Variants in POU2F1 observed in about 807,000 individuals in gnomAD.
POU2F1 encodes the protein POU class 2 homeobox 1.
In POU2F1, 16 loss-of-function variants were observed where a neutral mutation model predicts 84.9. The observed-to-expected ratio is 0.19, with a 90% CI of 0.13 to 0.29. POU2F1 has a LOEUF of 0.29. POU2F1 is among the 10% of genes least tolerant of loss of function. The probability of loss-of-function intolerance (pLI) is 1.00; values close to 1 mark genes in which losing one functional copy is unlikely to be tolerated. For synonymous variants in POU2F1, 368 were observed against 368.3 expected, an observed-to-expected ratio of 1.00 and a Z score of 0.01; for missense variants, 738 against 942.6, an observed-to-expected ratio of 0.78 and a Z score of 2.84.
chr1:167,312,833 CTA>C (rs754890170), intron 1 of POU2F1, among the ~76,000 whole-genome samples: 1 of 152,110 alleles, frequency 6.6e-6, no homozygotes, highest in African/African-American at 2.4e-5. Context: ...GGTATCTTTT[CTA>C]TGTTTATGTA....
intron 15 of POU2F1, chr1:167,414,272 T>TC (rs1162126205): frequency 1.5e-5 from 14 of 958,528 alleles, no homozygotes; most frequent in Non-Finnish European, 1.7e-5. Context: ...CACTTTTTCT[T>TC]CTGCTTTATT....
At chr1:167,223,131 A>G (rs1212870958) in intron 1 of POU2F1, among the ~76,000 whole-genome samples, 1 of 152,198 alleles carries the variant, frequency 6.6e-6, no homozygotes, top group Non-Finnish European at 1.5e-5. Context: ...TTTTAATTGT[A>G]GCACTACTGA....
intron 9 of POU2F1, among the ~76,000 whole-genome samples, chr1:167,394,995 C>T (rs987021497): frequency 4.6e-5 from 7 of 152,134 alleles, no homozygotes; most frequent in Admixed American, 1.3e-4. Context: ...TGAGAGTTGG[C>T]TGTCTCATAG....
intron 2 of POU2F1, among the ~76,000 whole-genome samples, chr1:167,338,460 C>T (rs1032402774): frequency 6.6e-6 from 1 of 152,092 alleles, no homozygotes; most frequent in South Asian, 2.1e-4. Context: ...GGGTCGACAC[C>T]CTTGACTCCG....
chr1:167,413,162 A>T (rs199958253), intron 15 of POU2F1, 48 bp downstream of exon 15: 33 of 1,031,134 alleles, frequency 3.2e-5, no homozygotes, highest in Middle Eastern at 4.6e-4. Context: ...CGTGTGTGTG[A>T]GTGTGTGTGT....
chr1:167,311,782 T>TTATTTATA (rs1655494754), intron 1 of POU2F1, among the ~76,000 whole-genome samples: 1 of 148,262 alleles, frequency 6.7e-6, no homozygotes, highest in Admixed American at 6.7e-5. Context: ...ATTTATTTAT[T>TTATTTATA]TATTTATTTA....
At chr1:167,399,968 C>CTTTTTT (rs67562017) in intron 12 of POU2F1, among the ~76,000 whole-genome samples, 3 of 61,424 alleles carry the variant, frequency 4.9e-5, no homozygotes, top group African/African-American at 1.4e-4. Context: ...CATTCCCAGT[C>CTTTTTT]TTTTTTTTTT....
In POU2F1 at chr1:167,423,422, T is replaced by C. The variant is rs1342796581; in HGVS notation, c.*7612T>C. The C allele has an allele frequency of 6.6e-6, 1 of 152,226 alleles. No individual in the cohort carries two copies. The highest frequency in any genetic ancestry group is 2.4e-5 in the African/African-American group (1 of 41,450). 9.4% of individuals were successfully genotyped at this position (152,226 alleles called of 1,614,324 possible). On this transcript the variant is annotated 3_prime_UTR_variant, in exon 16 of 16. Transcript: ENST00000367866. ...ACATTATGTAAAGGTGGTATTAATA[T>C]TGTATGACTTGTCAAAGTGCTAGAT...
chr1:167,263,724 C>T (rs1651743881), intron 1 of POU2F1, among the ~76,000 whole-genome samples: 1 of 152,208 alleles, frequency 6.6e-6, no homozygotes, highest in Admixed American at 6.5e-5. Flanking sequence ...CAAGGCCCTC[C>T]CTCATTCATC....
Position 167,412,038 on chromosome 1 carries a change from C to T in POU2F1, c.1635C>T (p.Pro545=). ...APPASSAVTS[P]SLSPSPSASA... Reference sequence around the variant, plus strand: ...CAGCTTCCTCAGCAGTCACGTCCCCCTCTCTGAGTCCCTCCCCTTCTGCCT... The same window carrying T: ...CAGCTTCCTCAGCAGTCACGTCCCCTTCTCTGAGTCCCTCCCCTTCTGCCT... Residue 545 remains proline, a synonymous_variant, in exon 14 of 16, where the codon CCC becomes CCT. Coordinates refer to ENST00000367866, the MANE Select transcript of POU2F1 (RefSeq NM_002697.4). 1 of 1,614,218 alleles carries T rather than the reference C, an allele frequency of 6.2e-7. No individual in the cohort carries two copies. Among genetic ancestry groups the T allele is most frequent in the Non-Finnish European group, 8.5e-7 (1 of 1,180,036 alleles).
intron 1 of POU2F1, among the ~76,000 whole-genome samples, chr1:167,329,518 A>T (rs1571311788): frequency 6.6e-6 from 1 of 152,290 alleles, no homozygotes; most frequent in East Asian, 1.9e-4. Flanking sequence ...TCTGATTCAG[A>T]GGGTATCGTT....
intron 1 of POU2F1, among the ~76,000 whole-genome samples, chr1:167,223,117 C>G (rs965914620): frequency 1.3e-5 from 2 of 151,958 alleles, no homozygotes; most frequent in East Asian, 3.9e-4. Context: ...CATAGACTTG[C>G]TTATTTTAAT....
chr1:167,368,212 T>A, intron 3 of POU2F1, among the ~76,000 whole-genome samples: 1 of 152,160 alleles, frequency 6.6e-6, no homozygotes, highest in East Asian at 1.9e-4. Flanking sequence ...ATATTGGCAT[T>A]TTTGAAGAAT....
chr1:167,251,649 C>A (rs887364719), intron 1 of POU2F1, among the ~76,000 whole-genome samples: 3 of 152,080 alleles, frequency 2.0e-5, no homozygotes, highest in Non-Finnish European at 4.4e-5. Context: ...AGGGCTCATA[C>A]TTCTTGGAAC....
At chr1:167,285,192 T>C (rs1557868613) in intron 1 of POU2F1, among the ~76,000 whole-genome samples, 1 of 152,230 alleles carries the variant, frequency 6.6e-6, no homozygotes, top group African/African-American at 2.4e-5. Flanking sequence ...TTATAGAGTT[T>C]TGTTAGGATT....
chr1:167,329,859 T>A (rs1656962578), intron 1 of POU2F1, among the ~76,000 whole-genome samples: 1 of 152,174 alleles, frequency 6.6e-6, no homozygotes, highest in Non-Finnish European at 1.5e-5. Flanking sequence ...ACTTTTCAAA[T>A]TTTTGCTAGG....
At chr1:167,228,079 G>A (rs1471579950) in intron 1 of POU2F1, among the ~76,000 whole-genome samples, 3 of 152,170 alleles carry the variant, frequency 2.0e-5, no homozygotes, top group Non-Finnish European at 4.4e-5. Flanking sequence ...TATGTAGAAG[G>A]CGAGACTTTT....
chr1:167,351,416 G>A (rs1658552369), intron 2 of POU2F1, among the ~76,000 whole-genome samples: 1 of 151,334 alleles, frequency 6.6e-6, no homozygotes, highest in South Asian at 2.1e-4. Flanking sequence ...TACTTGGGAG[G>A]CTGAGGCAGG....
At chr1:167,401,376 A>G (rs1649195327) in intron 12 of POU2F1, 75 bp from the exon 13 acceptor site, 1 of 1,015,738 alleles carries the variant, frequency 9.8e-7, no homozygotes, top group African/African-American at 1.6e-5. Context: ...AAGATCAAAG[A>G]AAGACTGTAA....
Sources: gnomAD v4.1 joint callset for allele counts (sites outside exome capture counted in the v4.1 genomes callset) on GRCh38, gnomAD v4.1.1 for gene constraint, MANE v1.5 for transcripts, NCBI Gene and HGNC (gene_info 2026-07-23, HGNC 2026-07-21) for gene names.